CUL2: variants seen among roughly 807,000 people sequenced by gnomAD.
CUL2 encodes cullin 2.
CUL2 carries 22 observed loss-of-function variants against 110.2 expected under a neutral mutation model. The ratio of observed to expected loss-of-function variants is 0.20; its 90% confidence interval spans 0.14 to 0.28. The LOEUF (loss-of-function observed/expected upper bound fraction) is 0.28, where lower values mean the gene tolerates loss of function less well. CUL2 is among the 10% of genes least tolerant of loss of function. The pLI, the probability that CUL2 is intolerant of heterozygous loss-of-function variation, is 1.00. For missense variants in CUL2, 631 were observed against 905.5 expected (o/e 0.70, Z 3.89); for synonymous variants, 279 against 293.2 (o/e 0.95, Z 0.49).
At chr10:35,100,047 C>G (rs1246965383) in intron 2 of CUL2, among the ~76,000 whole-genome samples, 1 of 151,900 alleles carries the variant, frequency 6.6e-6, no homozygotes, top group African/African-American at 2.4e-5. Context: ...CTCAAGCAAT[C>G]CTCCTGTCTT....
chr10:35,096,951 A>G (rs1166418094), intron 2 of CUL2, among the ~76,000 whole-genome samples: 1 of 151,924 alleles, frequency 6.6e-6, no homozygotes, highest in East Asian at 1.9e-4. Flanking sequence ...CTGGGATTAC[A>G]GACGCCTTCC....
intron 1 of CUL2, among the ~76,000 whole-genome samples, chr10:35,071,637 T>A (rs1487654868): frequency 6.6e-6 from 1 of 152,220 alleles, no homozygotes; most frequent in Non-Finnish European, 1.5e-5. Flanking sequence ...CTTGATCTCC[T>A]GACCTCGTGA....
upstream of CUL2, among the ~76,000 whole-genome samples, chr10:35,092,874 C>T (rs12413312): frequency 1.4e-5 from 2 of 142,268 alleles, no homozygotes; most frequent in African/African-American, 4.9e-5. Context: ...GTGAACTTTG[C>T]TAAAGTGTAG....
At chr10:35,084,888 G>A (rs1250495070) in intron 1 of CUL2, among the ~76,000 whole-genome samples, 2 of 152,080 alleles carry the variant, frequency 1.3e-5, no homozygotes, top group African/African-American at 4.8e-5. Context: ...GGTAAGCCGA[G>A]GCAAGTGAAT....
Position 35,060,920 on chromosome 10 carries a change from A to C in CUL2, c.271T>G (p.Trp91Gly), listed in dbSNP as rs2086365266. Residue 91 changes from tryptophan to glycine, a missense_variant, in exon 4 of 21, where the codon TGG (tryptophan) becomes GGG (glycine). This residue lies in a region of CUL2 where 338 missense variants were observed against 442.5 expected (regional missense o/e 0.76). Transcript: ENST00000374749. The part of the protein sequence containing the change: ...EQVLVMYHRY[W>G]EEYSKGADYM... ...TCTGCACCCTTGCTGTATTCTTCCC[A>C]GTACCTATGATACATAACAAGTACT... The C allele has an allele frequency of 6.2e-7, 1 of 1,613,936 alleles. No individual in the cohort carries two copies. Among genetic ancestry groups the C allele is most frequent in the African/African-American group, 1.3e-5 (1 of 74,946 alleles).
At chr10:35,125,775 G>C (rs1220147831) in intron 1 of CUL2, among the ~76,000 whole-genome samples, 3 of 152,228 alleles carry the variant, frequency 2.0e-5, no homozygotes, top group Admixed American at 1.3e-4. Flanking sequence ...CTATCGTTAA[G>C]TGAGGACCTA....
intron 3 of CUL2, among the ~76,000 whole-genome samples, chr10:35,062,512 AT>A (rs1828124864): frequency 6.6e-6 from 1 of 152,124 alleles, no homozygotes; most frequent in African/African-American, 2.4e-5. Flanking sequence ...AAGTAAACTG[AT>A]TTCCCTAACA....
intron 1 of CUL2, among the ~76,000 whole-genome samples, chr10:35,083,719 G>A (rs1388530815): frequency 6.6e-6 from 1 of 152,158 alleles, no homozygotes; most frequent in Non-Finnish European, 1.5e-5. Context: ...TAAACCATAG[G>A]CGGGTCACAG....
At chr10:35,107,881 CAAAAAAAAAAAAAAA>C (rs56140666) in intron 1 of CUL2, among the ~76,000 whole-genome samples, 1 of 42,102 alleles carries the variant, frequency 2.4e-5, no homozygotes, top group African/African-American at 1.1e-4. Flanking sequence ...GACTCCATCT[CAAAAAAAAAAAAAAA>C]AAAAAAAAAA....
chr10:35,032,537 A>G (rs750491293), intron 11 of CUL2, 43 bp from the exon 12 acceptor site: 16 of 1,477,676 alleles, frequency 1.1e-5, no homozygotes, highest in African/African-American at 2.8e-5. Context: ...AGCCATAGGG[A>G]AAAAGTACAG....
At chr10:35,082,895 T>C (rs1275422502) in intron 1 of CUL2, among the ~76,000 whole-genome samples, 3 of 152,170 alleles carry the variant, frequency 2.0e-5, no homozygotes, top group South Asian at 2.1e-4. Context: ...TGGTGGCTCA[T>C]GCTTGTAATC....
intron 4 of CUL2, among the ~76,000 whole-genome samples, chr10:35,057,691 T>C (rs925490924): frequency 7.9e-5 from 12 of 151,780 alleles, no homozygotes; most frequent in Non-Finnish European, 1.5e-4. Context: ...AAAGTCACAA[T>C]TTAAAATATA....
intron 10 of CUL2, among the ~76,000 whole-genome samples, chr10:35,034,566 T>C (rs905951706): frequency 1.3e-5 from 2 of 152,208 alleles, no homozygotes; most frequent in Admixed American, 1.3e-4. Context: ...AAGTTATTTC[T>C]CTCTTGCTCA....
At chr10:35,122,670 C>T (rs962522010) in intron 1 of CUL2, among the ~76,000 whole-genome samples, 1 of 152,210 alleles carries the variant, frequency 6.6e-6, no homozygotes, top group Admixed American at 6.5e-5. Flanking sequence ...TAGAGTCTTG[C>T]TCCATGGCCC....
At chr10:35,076,235 CAG>C (rs2086814277) in intron 1 of CUL2, among the ~76,000 whole-genome samples, 1 of 151,868 alleles carries the variant, frequency 6.6e-6, no homozygotes, top group Admixed American at 6.6e-5. Flanking sequence ...AATCTAGAGA[CAG>C]AAAGTATGTG....
Position 35,036,456 on chromosome 10 carries a change from G to C in CUL2, c.878-1160C>G, listed in dbSNP as rs552174721. The stretch of plus-strand genomic sequence containing the variant: ...ATTGGCAGTGGGGAGGTAAAGCTGG[G>C]GGGTGGTTATATGTTTAGGAGAACT... On this transcript the variant is annotated intron_variant, in intron 9 of 20. Transcript: ENST00000374749. 1.4e-4 allele frequency among the ~76,000 whole-genome samples: 22 copies of C among 152,072 alleles called. No individual in the cohort carries two copies. The East Asian group carries it at 3.5e-3, about 24-fold the overall frequency.
chr10:35,110,556 C>A (rs1009297029), intron 1 of CUL2, among the ~76,000 whole-genome samples: 25 of 152,128 alleles, frequency 1.6e-4, no homozygotes, highest in African/African-American at 5.3e-4. Context: ...CAGAGTGAGA[C>A]CTTGTCTAAA....
Position 35,067,743 on chromosome 10 carries a change from C to CAAA in CUL2, c.119+3453_119+3455dup, listed in dbSNP as rs758160456. The stretch of plus-strand genomic sequence containing the variant: ...TGGGCAACAGAGTGAGACCCTGCCA[C>CAAA]AAAAAAAAAAAAAAATTCACCATTA... On this transcript the variant is annotated intron_variant, in intron 2 of 20. Transcript: ENST00000374749. Among the ~76,000 whole-genome samples, 143 of 116,084 alleles carry CAAA rather than the reference C, an allele frequency of 1.2e-3. 1 individual carries two copies. Among genetic ancestry groups the CAAA allele is most frequent in the African/African-American group, 4.1e-3 (134 of 32,502 alleles). The allele number at this position is 116,084 out of a possible 152,430, so 76.2% of individuals were successfully genotyped here.
At chr10:35,037,267 G>A (rs1056613043) in intron 9 of CUL2, among the ~76,000 whole-genome samples, 5 of 152,172 alleles carry the variant, frequency 3.3e-5, no homozygotes, top group Non-Finnish European at 7.3e-5. Context: ...TGAGCAATGC[G>A]TGTTGAAAAG....
Sources: gnomAD v4.1 joint callset for allele counts (sites outside exome capture counted in the v4.1 genomes callset) on GRCh38, gnomAD v4.1.1 for gene constraint, gnomAD v4.1.1 regional missense constraint, MANE v1.5 for transcripts, NCBI Gene and HGNC (gene_info 2026-07-23, HGNC 2026-07-21) for gene names.